CELF2: variants seen among roughly 807,000 people sequenced by gnomAD.
CELF2 encodes CUG triplet repeat RNA-binding protein 2.
In CELF2, 8 loss-of-function variants were observed where a neutral mutation model predicts 62.6. The observed-to-expected ratio is 0.13, with a 90% CI of 0.07 to 0.23. CELF2 has a LOEUF of 0.23. CELF2 is among the 10% of genes least tolerant of loss of function. The pLI is 1.00. For missense variants in CELF2, 333 were observed against 671.0 expected, an observed-to-expected ratio of 0.50 and a Z score of 5.56; for synonymous variants, 258 against 250.0, an observed-to-expected ratio of 1.03 and a Z score of -0.30.
intron 1 of CELF2, among the ~76,000 whole-genome samples, chr10:10,815,031 C>A (rs951993118): frequency 5.3e-5 from 8 of 152,180 alleles, no homozygotes; most frequent in African/African-American, 1.4e-4. Flanking sequence ...GTCAGTCTGC[C>A]TTGTCAAAGA....
At chr10:11,182,641 A>G (rs1239937187) in intron 2 of CELF2, among the ~76,000 whole-genome samples, 1 of 152,214 alleles carries the variant, frequency 6.6e-6, no homozygotes, top group East Asian at 1.9e-4. Context: ...TGAGAGTGGA[A>G]GTTCCAAAGG....
At chr10:10,485,737 G>A in the CELF2 span, among the ~76,000 whole-genome samples, 1 of 152,152 alleles carries the variant, frequency 6.6e-6, no homozygotes, top group Non-Finnish European at 1.5e-5. Context: ...CTCCTGGGAG[G>A]GTTGCAGTGA....
intron 4 of CELF2, 64 bp downstream of exon 4, chr10:11,249,265 TGGG>T (rs2076449962): frequency 1.4e-6 from 2 of 1,398,636 alleles, no homozygotes; most frequent in East Asian, 2.3e-5. Context: ...CAAAGTCAGT[TGGG>T]GGCGGGAGAA....
At chr10:10,774,841 G>T in the CELF2 span, among the ~76,000 whole-genome samples, 1 of 151,900 alleles carries the variant, frequency 6.6e-6, no homozygotes, top group Admixed American at 6.6e-5. Context: ...GGCCTCTTGG[G>T]TGAGCTGATA....
At chr10:10,642,970 G>A in the CELF2 span, among the ~76,000 whole-genome samples, 1 of 152,264 alleles carries the variant, frequency 6.6e-6, no homozygotes. Context: ...TTCCTCATCT[G>A]TGTCTGTGGT....
At position 11,165,912 on chromosome 10, in the gene CELF2, G is replaced by A. The variant is rs906094244; in HGVS notation, c.271+230G>A. Among the ~76,000 whole-genome samples the A allele has an allele frequency of 6.6e-6, 1 of 152,240 alleles. No individual in the cohort carries two copies. Among genetic ancestry groups the A allele is most frequent in the Non-Finnish European group, 1.5e-5 (1 of 68,040 alleles). On this transcript the variant is annotated intron_variant, in intron 2 of 12. Transcript: ENST00000633077. The surrounding 1 kb of genome is among the most constrained non-coding windows in gnomAD (Gnocchi z 7.4). ...CGGGAGAGAGGGACCGAGGCAGGGC[G>A]GGAGCGCAGAGGCTCGGTCCAGGCG...
At chr10:10,613,507 T>C in the CELF2 span, among the ~76,000 whole-genome samples, 1 of 152,220 alleles carries the variant, frequency 6.6e-6, no homozygotes, top group African/African-American at 2.4e-5. Flanking sequence ...TGACATTTCA[T>C]CGGGGCTTCT....
At chr10:10,516,511 G>A in the CELF2 span, among the ~76,000 whole-genome samples, 5 of 152,026 alleles carry the variant, frequency 3.3e-5, no homozygotes, top group African/African-American at 4.8e-5. Flanking sequence ...TAAGGGTGAG[G>A]GTAGCAGCAA....
the CELF2 span, among the ~76,000 whole-genome samples, chr10:10,646,931 C>T: frequency 5.2e-4 from 79 of 152,272 alleles, no homozygotes; most frequent in African/African-American, 1.9e-3. Flanking sequence ...GAGTGTTGGA[C>T]CTCACACAGC....
chr10:10,979,368 T>C (rs970878826), intron 2 of CELF2, among the ~76,000 whole-genome samples: 2 of 152,076 alleles, frequency 1.3e-5, no homozygotes, highest in African/African-American at 4.8e-5. Flanking sequence ...TGATAATAAT[T>C]CTAATAAAAA....
chr10:11,189,143 C>T (rs574120778), intron 2 of CELF2, among the ~76,000 whole-genome samples: 105 of 152,268 alleles, frequency 6.9e-4, no homozygotes, highest in Non-Finnish European at 8.8e-4. Flanking sequence ...TGAGTATTTT[C>T]GGTCTGGCTG....
the CELF2 span, among the ~76,000 whole-genome samples, chr10:10,558,798 T>C: frequency 1.3e-5 from 2 of 152,186 alleles, no homozygotes; most frequent in African/African-American, 2.4e-5. Flanking sequence ...TATCCATTTC[T>C]TCTAGATTTT....
intron 3 of CELF2, among the ~76,000 whole-genome samples, chr10:11,234,508 C>G (rs2070284146): frequency 6.6e-6 from 1 of 152,020 alleles, no homozygotes; most frequent in African/African-American, 2.4e-5. Flanking sequence ...CGGTGAAACC[C>G]CATCTCTACT....
At chr10:11,139,676 A>G (rs1041439449) in intron 1 of CELF2, among the ~76,000 whole-genome samples, 1 of 152,150 alleles carries the variant, frequency 6.6e-6, no homozygotes, top group African/African-American at 2.4e-5. Flanking sequence ...TTATTAGTCT[A>G]TTTTAGGTAA....
At chr10:10,602,921 G>C in the CELF2 span, among the ~76,000 whole-genome samples, 1 of 152,060 alleles carries the variant, frequency 6.6e-6, no homozygotes, top group Non-Finnish European at 1.5e-5. Flanking sequence ...TTCCTAACTG[G>C]CATTCGTTGA....
chr10:10,681,855 C>A, the CELF2 span, among the ~76,000 whole-genome samples: 1 of 152,174 alleles, frequency 6.6e-6, no homozygotes, highest in African/African-American at 2.4e-5. Flanking sequence ...ATATAAAACC[C>A]ATTTTGGAAC....
chr10:10,937,134 T>C (rs1210914941), intron 2 of CELF2, among the ~76,000 whole-genome samples: 4 of 144,172 alleles, frequency 2.8e-5, no homozygotes, highest in Admixed American at 6.9e-5. Flanking sequence ...TTTTTTTTTT[T>C]TTTTTTTTTC....
chr10:11,007,099 G>T (rs1239472864), intron 1 of CELF2, among the ~76,000 whole-genome samples: 2 of 152,144 alleles, frequency 1.3e-5, no homozygotes, highest in African/African-American at 4.8e-5. Context: ...CTAATGTGTT[G>T]CTTAATTAGC....
intron 1 of CELF2, among the ~76,000 whole-genome samples, chr10:11,089,004 C>T (rs1398188365): frequency 3.3e-5 from 5 of 152,168 alleles, no homozygotes; most frequent in Admixed American, 1.3e-4. Flanking sequence ...TTGAGAGAGG[C>T]GAGCTTCTGT....
Sources: allele counts gnomAD v4.1 joint callset (sites outside exome capture counted in the v4.1 genomes callset), GRCh38; gene constraint gnomAD v4.1.1; non-coding constraint Gnocchi (gnomAD v3.1); transcripts MANE v1.5; gene names NCBI Gene and HGNC (gene_info 2026-07-23, HGNC 2026-07-21).